The following PDE1C variants were observed in gnomAD, a reference collection of about 807,000 sequenced individuals.
PDE1C encodes the protein phosphodiesterase 1C.
Under a neutral mutation model 93.1 loss-of-function variants are expected in PDE1C, and 62 were observed. That is an observed-to-expected ratio of 0.67 (90% CI 0.54 to 0.82). The LOEUF (loss-of-function observed/expected upper bound fraction) is 0.82, where lower values mean the gene tolerates loss of function less well. Among genes scored for constraint, PDE1C ranks in the 40% least tolerant of loss-of-function variants. PDE1C has a pLI of 0.00. For missense variants in PDE1C, 742 were observed against 884.6 expected (o/e 0.84, Z 2.04); for synonymous variants, 325 against 310.1 (o/e 1.05, Z -0.50).
rs575733507 is a variant in PDE1C, at chr7:32,184,478, G to T, written c.137-14522C>A. ...TGGAATACTATGCAGCCATAAAAAA[G>T]GATGAGTTCATGTCCTTTGTAGGGA... is the stretch of plus-strand genomic sequence containing the variant. On this transcript the variant is annotated intron_variant, in intron 2 of 18. Transcript: ENST00000396193. Among the ~76,000 whole-genome samples, 421 of 152,250 alleles carry T rather than the reference G, an allele frequency of 2.8e-3. 1 individual carries two copies. The highest frequency in any genetic ancestry group is 9.7e-3 in the African/African-American group (401 of 41,528).
chr7:32,179,711 G>T (rs1803259574), intron 2 of PDE1C, among the ~76,000 whole-genome samples: 1 of 152,174 alleles, frequency 6.6e-6, no homozygotes, highest in African/African-American at 2.4e-5. Context: ...TTCATTTTGT[G>T]GTGTGCCTAA....
intron 1 of PDE1C, among the ~76,000 whole-genome samples, chr7:32,065,055 G>C (rs1269961164): frequency 2.4e-4 from 8 of 33,452 alleles, no homozygotes; most frequent in African/African-American, 3.4e-4. Flanking sequence ...CGGCGGTGGG[G>C]GGGGGGGGGA....
chr7:32,142,949 C>A (rs1800622340), intron 3 of PDE1C, among the ~76,000 whole-genome samples: 1 of 151,902 alleles, frequency 6.6e-6, no homozygotes, highest in Admixed American at 6.6e-5. Context: ...GTGGAGAGAC[C>A]AGTTCAACTG....
the PDE1C span, chr7:31,687,249 G>T: frequency 6.6e-6 from 1 of 152,584 alleles, no homozygotes; most frequent in East Asian, 1.9e-4. Context: ...CCCAGCCTCG[G>T]TGAGCACACA....
chr7:32,189,851 ACTC>A (rs1283887766), intron 2 of PDE1C, among the ~76,000 whole-genome samples: 1 of 151,934 alleles, frequency 6.6e-6, no homozygotes, highest in Non-Finnish European at 1.5e-5. Context: ...AAGACACTAA[ACTC>A]CTATGGGAAA....
rs551409658 is a variant in PDE1C at position 32,058,043 on chromosome 7, C to T, written c.102-6463G>A. ...ATTCTAACAAGCTGGCTTTGAAAAA[C>T]CAAAACTTGTGCTCTGTTTCTAAGT... On this transcript the variant is annotated intron_variant, in intron 1 of 17. Coordinates refer to ENST00000396191, the MANE Select transcript of PDE1C (RefSeq NM_001191057.4). Among the ~76,000 whole-genome samples, 20 of 152,270 alleles carry T rather than the reference C, an allele frequency of 1.3e-4. No homozygotes were observed. The South Asian group carries it at 4.1e-3, about 32-fold the overall frequency.
intron 2 of PDE1C, among the ~76,000 whole-genome samples, chr7:31,921,102 G>A (rs1189884953): frequency 2.0e-5 from 3 of 152,164 alleles, no homozygotes; most frequent in African/African-American, 7.2e-5. Context: ...CTCTCATCTG[G>A]CACCTACTCT....
intron 9 of PDE1C, among the ~76,000 whole-genome samples, chr7:31,843,289 G>A (rs956597295): frequency 9.2e-5 from 14 of 151,760 alleles, no homozygotes; most frequent in South Asian, 6.2e-4. Flanking sequence ...AACTGCTGAC[G>A]CAAGAATCTT....
chr7:31,630,057 A>G, the PDE1C span, among the ~76,000 whole-genome samples: 6 of 152,182 alleles, frequency 3.9e-5, no homozygotes, highest in Admixed American at 2.0e-4. Context: ...ATGACAGAAG[A>G]AAATGAAATT....
intron 11 of PDE1C, among the ~76,000 whole-genome samples, chr7:31,829,079 T>C (rs1790056412): frequency 1.3e-5 from 2 of 152,140 alleles, no homozygotes; most frequent in South Asian, 2.1e-4. Flanking sequence ...TTAATACTTG[T>C]CATACCCCCA....
intron 2 of PDE1C, among the ~76,000 whole-genome samples, chr7:32,206,196 C>T (rs73106523): frequency 0.34 from 51,617 of 151,674 alleles, 9,374 homozygotes; most frequent in Admixed American, 0.46. Flanking sequence ...TGTAGGAGAC[C>T]TTTGAGGATA....
chr7:32,163,904 GAGAA>G (rs1802065968), intron 3 of PDE1C, among the ~76,000 whole-genome samples: 1 of 152,126 alleles, frequency 6.6e-6, no homozygotes, highest in African/African-American at 2.4e-5. Flanking sequence ...AAACTGAAGT[GAGAA>G]AGAATTAGAG....
chr7:31,692,553 T>C, the PDE1C span: 8 of 1,559,462 alleles, frequency 5.1e-6, no homozygotes, highest in East Asian at 4.5e-5. Context: ...TGAATGTCAG[T>C]GGTGGAAGTC....
At chr7:32,020,427 T>C (rs1214454000) in intron 2 of PDE1C, among the ~76,000 whole-genome samples, 1 of 152,040 alleles carries the variant, frequency 6.6e-6, no homozygotes, top group African/African-American at 2.4e-5. Flanking sequence ...GAAATTAATT[T>C]TATAAATTCT....
intron 1 of PDE1C, among the ~76,000 whole-genome samples, chr7:32,288,127 G>A (rs184558539): frequency 1.2e-4 from 19 of 152,250 alleles, no homozygotes; most frequent in Non-Finnish European, 1.8e-4. Context: ...GCACTCCAGC[G>A]TGGGCAACAG....
chr7:31,919,654 G>C (rs1028340573), intron 2 of PDE1C, among the ~76,000 whole-genome samples: 2 of 152,112 alleles, frequency 1.3e-5, no homozygotes, highest in African/African-American at 4.8e-5. Context: ...AAAAAAGCAA[G>C]ATCTTCACTT....
intron 2 of PDE1C, among the ~76,000 whole-genome samples, chr7:31,985,306 T>TAATCTG (rs1646959936): frequency 6.6e-6 from 1 of 152,202 alleles, no homozygotes; most frequent in South Asian, 2.1e-4. Flanking sequence ...GCTATTTATA[T>TAATCTG]AATCTGTTAA....
chr7:31,880,661 C>T, intron 3 of PDE1C, 86 bp downstream of exon 3: 1 of 762,342 alleles, frequency 1.3e-6, no homozygotes, highest in Non-Finnish European at 2.2e-6. Flanking sequence ...TCACCCCATT[C>T]CTGGCATGGG....
intron 3 of PDE1C, among the ~76,000 whole-genome samples, chr7:32,149,004 T>TG (rs1801075257): frequency 6.6e-6 from 1 of 152,158 alleles, no homozygotes; most frequent in South Asian, 2.1e-4. Context: ...TGTAAAGACA[T>TG]TGGTAAAATG....
Sources: allele counts gnomAD v4.1 joint callset (sites outside exome capture counted in the v4.1 genomes callset), GRCh38; gene constraint gnomAD v4.1.1; transcripts MANE v1.5; gene names NCBI Gene and HGNC (gene_info 2026-07-23, HGNC 2026-07-21).